Variants in ELP2 observed in about 807,000 individuals in gnomAD.
ELP2 encodes elongator complex protein 2.
In ELP2, 90 loss-of-function variants were observed where a neutral mutation model predicts 119.2. That is an observed-to-expected ratio of 0.75 (90% CI 0.64 to 0.90). The LOEUF (loss-of-function observed/expected upper bound fraction) is 0.90. Ranked by LOEUF, ELP2 falls within the 40% of genes least tolerant of loss-of-function variation. The pLI is 0.00. For synonymous variants in ELP2, 339 were observed against 331.0 expected, an observed-to-expected ratio of 1.02 and a Z score of -0.26; for missense variants, 921 against 967.8, an observed-to-expected ratio of 0.95 and a Z score of 0.64.
At chr18:36,137,803 C>A (rs1424413261) in intron 3 of ELP2, among the ~76,000 whole-genome samples, 47 of 103,684 alleles carry the variant, frequency 4.5e-4, no homozygotes, top group Admixed American at 1.1e-3. Flanking sequence ...ATATTATCAC[C>A]AAAAAAAAAA....
chr18:36,168,646 G>A (rs888636392), intron 19 of ELP2, among the ~76,000 whole-genome samples: 1 of 152,094 alleles, frequency 6.6e-6, no homozygotes, highest in Non-Finnish European at 1.5e-5. Flanking sequence ...ACCTCCTACT[G>A]TGTCCCTCCC....
intron 18 of ELP2, among the ~76,000 whole-genome samples, chr18:36,165,395 T>G (rs2090865330): frequency 6.6e-6 from 1 of 152,212 alleles, no homozygotes; most frequent in African/African-American, 2.4e-5. Flanking sequence ...TTTGCATTGT[T>G]TAATCCTGTT....
chr18:36,158,740 T>C, intron 13 of ELP2, 95 bp from the exon 14 acceptor site: 5 of 888,128 alleles, frequency 5.6e-6, no homozygotes, highest in Non-Finnish European at 9.1e-6. Flanking sequence ...AGCGTGACTT[T>C]TTTGTAGTGC....
chr18:36,135,912 AC>A (rs2089806661), intron 2 of ELP2, among the ~76,000 whole-genome samples: 1 of 152,246 alleles, frequency 6.6e-6, no homozygotes, highest in Non-Finnish European at 1.5e-5. Flanking sequence ...TGAATCCCAA[AC>A]AAAAAAAGTT....
At chr18:36,138,573 A>G in intron 4 of ELP2, 147 bp downstream of exon 4, 1 of 1,031,856 alleles carries the variant, frequency 9.7e-7, no homozygotes, top group South Asian at 1.5e-5. Context: ...TTTTGCACTT[A>G]TTTAAAATTC....
chr18:36,163,025 A>G (rs2090786557), intron 17 of ELP2, among the ~76,000 whole-genome samples: 1 of 152,034 alleles, frequency 6.6e-6, no homozygotes, highest in Non-Finnish European at 1.5e-5. Flanking sequence ...TGAATAGTAT[A>G]CCTTGTACCT....
intron 17 of ELP2, among the ~76,000 whole-genome samples, chr18:36,162,739 A>G (rs2090776764): frequency 6.6e-6 from 1 of 152,102 alleles, no homozygotes; most frequent in Admixed American, 6.6e-5. Flanking sequence ...AGTCTTTTTA[A>G]CTTTAACCGT....
chr18:36,166,797 G>A (rs995317106), intron 18 of ELP2: 17 of 204,738 alleles, frequency 8.3e-5, no homozygotes, highest in Non-Finnish European at 1.5e-4. Flanking sequence ...TTTGAGTAAG[G>A]CTAAATAGCT....
chr18:36,160,976 C>G lies in ELP2; in HGVS notation c.1733C>G (p.Ser578Ter). The part of the protein sequence containing the change: ...YEIFCVTCNS[S>*]KTLLASACKA... Reference sequence around the variant, plus strand: ...ATATTTTGTGTTACTTGTAACAGTTCAAAGACTCTGCTTGCCTCAGCTTGT... The same window carrying G: ...ATATTTTGTGTTACTTGTAACAGTTGAAAGACTCTGCTTGCCTCAGCTTGT... The change falls in exon 17 of 22, where the codon TCA (serine) becomes TGA (stop). Residue 578 changes from serine (S) to a stop codon, truncating the protein, a stop_gained. Coordinates refer to ENST00000358232, the MANE Select transcript of ELP2 (RefSeq NM_018255.4). LOFTEE classifies it high-confidence loss of function. 1 of 1,613,658 alleles carries G rather than the reference C, an allele frequency of 6.2e-7. No homozygotes were observed. Among genetic ancestry groups the G allele is most frequent in the Middle Eastern group, 1.7e-4 (1 of 6,060 alleles).
intron 11 of ELP2, among the ~76,000 whole-genome samples, chr18:36,146,887 G>A (rs1428565559): frequency 6.6e-6 from 1 of 152,048 alleles, no homozygotes; most frequent in Non-Finnish European, 1.5e-5. Context: ...TCTCTCTACA[G>A]CATTCCTTCT....
chr18:36,157,395 G>A (rs902198226), intron 13 of ELP2, among the ~76,000 whole-genome samples: 8 of 152,126 alleles, frequency 5.3e-5, no homozygotes, highest in African/African-American at 1.9e-4. Flanking sequence ...GGGAGAGAGA[G>A]GGAGAGAGCA....
Position 36,160,895 on chromosome 18 carries a change from A to G in ELP2, c.1689-37A>G, listed in dbSNP as rs1382634349. On this transcript the variant is annotated intron_variant, in intron 16 of 21. Transcript: ENST00000358232. The stretch of plus-strand genomic sequence containing the variant: ...AATTGTGTGGCATGAGAATAGATTC[A>G]TTTGCTAATAGTACTTTTTTTCTTT... 12 of 1,393,178 alleles carry G rather than the reference A, an allele frequency of 8.6e-6. No individual in the cohort carries two copies. The Admixed American group carries it at 1.8e-4, about 21-fold the overall frequency. The allele number at this position is 1,393,178 out of a possible 1,614,324, so 86.3% of individuals were successfully genotyped here.
rs114352105 is a variant in ELP2 at position 36,168,618 on chromosome 18, C to T, written c.2076+1396C>T. Among the ~76,000 whole-genome samples the T allele has an allele frequency of 4.6e-3, 707 of 152,170 alleles. 6 individuals are homozygous for T. Among genetic ancestry groups the T allele is most frequent in the African/African-American group, 0.015 (635 of 41,522 alleles). Reference sequence around the variant, plus strand: ...ATCATGAGAAGAGCATGGAGGTAACCGCCCCCATGATCCTATTACCTCCTA... The same window carrying T: ...ATCATGAGAAGAGCATGGAGGTAACTGCCCCCATGATCCTATTACCTCCTA... On this transcript the variant is annotated intron_variant, in intron 19 of 21. Coordinates refer to ENST00000358232, the MANE Select transcript of ELP2 (RefSeq NM_018255.4).
intron 14 of ELP2, 80 bp from the exon 15 acceptor site, chr18:36,159,655 A>C: frequency 9.8e-7 from 1 of 1,025,224 alleles, no homozygotes; most frequent in Non-Finnish European, 1.5e-6. Context: ...ACTGCTTTCT[A>C]TGTGGTGGCC....
chr18:36,172,454 A>G (rs1261518075), intron 21 of ELP2, among the ~76,000 whole-genome samples: 1 of 152,212 alleles, frequency 6.6e-6, no homozygotes, highest in African/African-American at 2.4e-5. Flanking sequence ...TATTTCATCC[A>G]GCAGATCTTG....
intron 18 of ELP2, chr18:36,165,316 G>A (rs2090863069): frequency 6.6e-6 from 1 of 152,156 alleles, no homozygotes; most frequent in African/African-American, 2.4e-5. Flanking sequence ...TGTGTAGTTG[G>A]GTCAGTGGCC....
At chr18:36,153,221 C>A (rs778299282) in intron 11 of ELP2, among the ~76,000 whole-genome samples, 1 of 152,176 alleles carries the variant, frequency 6.6e-6, no homozygotes, top group Non-Finnish European at 1.5e-5. Context: ...TGAACCAACT[C>A]TTGGAGTTGG....
intron 11 of ELP2, 69 bp downstream of exon 11, chr18:36,146,450 G>T (rs545722921): frequency 6.5e-7 from 1 of 1,542,196 alleles, no homozygotes; most frequent in South Asian, 1.1e-5. Context: ...ATAGTATTTT[G>T]CTTATAACAC....
intron 11 of ELP2, 104 bp downstream of exon 11, chr18:36,146,485 T>C: frequency 7.9e-7 from 1 of 1,263,668 alleles, no homozygotes; most frequent in South Asian, 1.3e-5. Context: ...GTAGAGGCAC[T>C]TGAAGTTCAA....
Sources: gnomAD v4.1 joint callset for allele counts (sites outside exome capture counted in the v4.1 genomes callset) on GRCh38, gnomAD v4.1.1 for gene constraint, MANE v1.5 for transcripts, NCBI Gene and HGNC (gene_info 2026-07-23, HGNC 2026-07-21) for gene names.